Variants in FYTTD1 observed in about 807,000 individuals in gnomAD.
FYTTD1 encodes forty-two-three domain containing 1, also known as UAP56-interacting factor.
FYTTD1 carries 22 observed loss-of-function variants against 40.9 expected under a neutral mutation model. That is an observed-to-expected ratio of 0.54 (90% CI 0.38 to 0.77). The LOEUF (loss-of-function observed/expected upper bound fraction) is 0.77, where lower values mean the gene tolerates loss of function less well. Ranked by LOEUF, FYTTD1 falls within the 30% of genes least tolerant of loss-of-function variation. The pLI is 0.00. For missense variants in FYTTD1, 351 were observed against 392.2 expected (o/e 0.90, Z 0.89); for synonymous variants, 140 against 137.9 (o/e 1.01, Z -0.10).
At chr3:197,770,287 C>T in intron 4 of FYTTD1, 43 bp downstream of exon 4, 1 of 1,191,174 alleles carries the variant, frequency 8.4e-7, no homozygotes, top group Non-Finnish European at 1.2e-6. Context: ...GCATTAAAAA[C>T]ACTTCCTGCA....
intron 5 of FYTTD1, 105 bp from the exon 6 acceptor site, chr3:197,774,044 C>T: frequency 1.1e-6 from 1 of 920,052 alleles, no homozygotes; most frequent in Non-Finnish European, 1.8e-6. Flanking sequence ...CTCCGCTGCA[C>T]TCATGTACAC....
chr3:197,778,531 TATA>T, intron 8 of FYTTD1, 67 bp downstream of exon 8: 1 of 1,122,228 alleles, frequency 8.9e-7, no homozygotes, highest in Non-Finnish European at 1.3e-6. Flanking sequence ...AAGTATTTAT[TATA>T]ATAGTGAATT....
Position 197,768,456 on chromosome 3 carries a change from C to T in FYTTD1, c.253C>T (p.Leu85=), listed in dbSNP as rs1165730581. Residue 85 remains leucine, a synonymous_variant, in exon 3 of 9, where the codon CTG becomes TTG. Transcript: ENST00000241502. ...QQNSGFGKTS[L]NRRGRVMPGK... is the part of the protein sequence containing the mutation. ...TCCTATAGGTTTTGGTAAGACTAGT[C>T]TGAATCGTAGAGGAAGAGTAATGCC... 6.2e-7 allele frequency: 1 copy of T among 1,610,770 alleles called. No individual in the cohort carries two copies. Among genetic ancestry groups the T allele is most frequent in the Admixed American group, 1.7e-5 (1 of 59,826 alleles).
chr3:197,783,703 G>T lies in FYTTD1; in HGVS notation c.*1794G>T, dbSNP rs1450666006. The T allele has an allele frequency of 3.9e-5, 6 of 152,398 alleles. No individual in the cohort carries two copies. In the East Asian group the frequency reaches 1.2e-3, roughly 29 times the overall value. The allele number at this position is 152,398 out of a possible 1,614,324, so 9.4% of individuals were successfully genotyped here. On this transcript the variant is annotated 3_prime_UTR_variant, in exon 9 of 9. Coordinates refer to ENST00000241502, the MANE Select transcript of FYTTD1 (RefSeq NM_032288.7). ...TTAGTCTGATTTAGAATTACTGGTA[G>T]CTTATTTTAAAGCAAGGAAAAGCAG...
intron 2 of FYTTD1, 140 bp downstream of exon 2, chr3:197,756,697 A>G (rs1367103899): frequency 7.6e-6 from 6 of 786,872 alleles, no homozygotes; most frequent in Non-Finnish European, 1.3e-5. Context: ...GTTTTTGTTT[A>G]GATCTAAAAC....
chr3:197,749,697 C>G (rs756715292), upstream of FYTTD1: 11 of 642,788 alleles, frequency 1.7e-5, no homozygotes, highest in Middle Eastern at 2.6e-4. Flanking sequence ...AGTCGAACTG[C>G]TCACAACGGC....
chr3:197,761,281 G>T, intron 2 of FYTTD1, among the ~76,000 whole-genome samples: 1 of 152,022 alleles, frequency 6.6e-6, no homozygotes, highest in Admixed American at 6.6e-5. Flanking sequence ...AGAATGTATA[G>T]AGTTGTTCCT....
chr3:197,771,865 G>A (rs1012933521), intron 4 of FYTTD1, among the ~76,000 whole-genome samples: 5 of 151,770 alleles, frequency 3.3e-5, no homozygotes, highest in South Asian at 2.1e-4. Context: ...AGGCCGCTGC[G>A]TGTGGATCAC....
intron 1 of FYTTD1, among the ~76,000 whole-genome samples, chr3:197,755,214 G>A (rs1386072026): frequency 6.6e-6 from 1 of 152,040 alleles, no homozygotes; most frequent in Non-Finnish European, 1.5e-5. Flanking sequence ...CTTTATTATG[G>A]CACTTGTTTA....
intron 3 of FYTTD1, 121 bp downstream of exon 3, chr3:197,768,708 A>G (rs1580458841): frequency 1.4e-6 from 1 of 698,070 alleles, no homozygotes; most frequent in East Asian, 3.2e-5. Flanking sequence ...GACTGATATA[A>G]AAAAATTTAA....
chr3:197,755,773 T>G (rs1198838426), intron 1 of FYTTD1: 1 of 1,549,284 alleles, frequency 6.5e-7, no homozygotes, highest in Admixed American at 2.0e-5. Flanking sequence ...TAGGTGTGAG[T>G]CACCATGCCT....
At chr3:197,756,397 G>A in intron 1 of FYTTD1, 29 bp from the exon 2 acceptor site, 1 of 1,535,242 alleles carries the variant, frequency 6.5e-7, no homozygotes, top group Non-Finnish European at 9.0e-7. Context: ...AAGTTAAAAT[G>A]AAAATAATTG....
At chr3:197,778,611 T>G in intron 8 of FYTTD1, 147 bp downstream of exon 8, 1 of 584,598 alleles carries the variant, frequency 1.7e-6, no homozygotes, top group Non-Finnish European at 3.0e-6. Flanking sequence ...GTCTGCCATT[T>G]GCCTATTTTG....
intron 2 of FYTTD1, among the ~76,000 whole-genome samples, chr3:197,758,234 G>A (rs986631140): frequency 4.6e-5 from 7 of 151,338 alleles, no homozygotes; most frequent in Non-Finnish European, 7.4e-5. Flanking sequence ...TCTTATAAAT[G>A]TTATTGAACA....
chr3:197,760,885 A>G (rs527899330), intron 2 of FYTTD1, among the ~76,000 whole-genome samples: 26 of 148,668 alleles, frequency 1.7e-4, no homozygotes. Context: ...TCAGTGGTAG[A>G]ATGTATAGAG....
In FYTTD1 at chr3:197,782,894, T is replaced by C. The variant is rs548483408; in HGVS notation, c.*985T>C. 2.6e-5 allele frequency: 4 copies of C among 152,722 alleles called. No individual in the cohort carries two copies. Among genetic ancestry groups the C allele is most frequent in the African/African-American group, 9.6e-5 (4 of 41,562 alleles). 9.5% of individuals were successfully genotyped at this position (152,722 alleles called of 1,614,324 possible). A position where few individuals can be genotyped will look rare whatever the true frequency, so the allele number is the denominator to read the frequency against. The stretch of plus-strand genomic sequence containing the variant: ...TCTTATTTGAAGTTAAAATTTCTTA[T>C]TTGAAAAGTTGAAATTTATGAGCTT... On this transcript the variant is annotated 3_prime_UTR_variant, in exon 9 of 9. Transcript: ENST00000241502.
rs1730088074 is a variant in FYTTD1 at position 197,783,704 on chromosome 3, C to G, written c.*1795C>G. 1 of 152,256 alleles carries G rather than the reference C, an allele frequency of 6.6e-6. No homozygotes were observed. The highest frequency in any genetic ancestry group is 2.4e-5 in the African/African-American group (1 of 41,416). 9.4% of individuals were successfully genotyped at this position (152,256 alleles called of 1,614,324 possible). A position where few individuals can be genotyped will look rare whatever the true frequency, so the allele number is the denominator to read the frequency against. ...TAGTCTGATTTAGAATTACTGGTAG[C>G]TTATTTTAAAGCAAGGAAAAGCAGC... On this transcript the variant is annotated 3_prime_UTR_variant, in exon 9 of 9. Coordinates refer to ENST00000241502, the MANE Select transcript of FYTTD1 (RefSeq NM_032288.7).
chr3:197,770,732 T>C (rs1729693522), intron 4 of FYTTD1, among the ~76,000 whole-genome samples: 1 of 151,708 alleles, frequency 6.6e-6, no homozygotes, highest in African/African-American at 2.4e-5. Flanking sequence ...TTTTTTTTAA[T>C]AGAGACAGGG....
rs1361655614 is a variant in FYTTD1, at chr3:197,749,931, C to G, written c.-41C>G. On this transcript the variant is annotated 5_prime_UTR_variant, in exon 1 of 9. Transcript: ENST00000241502. ...GTGGGAGGTGGCAGGCCTGCGACTC[C>G]GGCCTTGTCCGCGCCCGCTCTCGGC... 2 of 1,385,170 alleles carry G rather than the reference C, an allele frequency of 1.4e-6. No homozygotes were observed. The highest frequency in any genetic ancestry group is 3.0e-5 in the African/African-American group (2 of 66,938). 85.8% of individuals were successfully genotyped at this position (1,385,170 alleles called of 1,614,324 possible). A position where few individuals can be genotyped will look rare whatever the true frequency, so the allele number is the denominator to read the frequency against.
Sources: allele counts gnomAD v4.1 joint callset (sites outside exome capture counted in the v4.1 genomes callset), GRCh38; gene constraint gnomAD v4.1.1; transcripts MANE v1.5; gene names NCBI Gene and HGNC (gene_info 2026-07-23, HGNC 2026-07-21).